ZNF385D: variants seen among roughly 807,000 people sequenced by gnomAD.
ZNF385D encodes the protein zinc finger protein 385D, also known as zinc finger protein 659.
A neutral mutation model predicts 35.8 loss-of-function variants in ZNF385D; 15 were observed. The ratio of observed to expected loss-of-function variants is 0.42; its 90% CI spans 0.28 to 0.64. The LOEUF (loss-of-function observed/expected upper bound fraction) is 0.64, where lower values mean the gene tolerates loss of function less well. ZNF385D is among the 30% of genes least tolerant of loss of function. ZNF385D has a pLI of 0.23. For synonymous variants in ZNF385D, 212 were observed against 186.8 expected, an observed-to-expected ratio of 1.13 and a Z score of -1.10; for missense variants, 474 against 494.6, an observed-to-expected ratio of 0.96 and a Z score of 0.39.
chr3:22,065,430 G>A (rs1161675660), intron 3 of ZNF385D, among the ~76,000 whole-genome samples: 3 of 152,164 alleles, frequency 2.0e-5, no homozygotes, highest in Non-Finnish European at 2.9e-5. Flanking sequence ...CAAGATGGAA[G>A]GCAGCTGGAA....
At chr3:22,036,710 T>G (rs902270841) in intron 3 of ZNF385D, among the ~76,000 whole-genome samples, 1 of 104,064 alleles carries the variant, frequency 9.6e-6, no homozygotes, top group Non-Finnish European at 2.0e-5. Flanking sequence ...CCCTACTAGG[T>G]TTTTTTTTTT....
rs536662281 is a variant in ZNF385D, at chr3:21,478,173, G to A, written c.439+32688C>T. Among the ~76,000 whole-genome samples, 25 of 152,196 alleles carry A rather than the reference G, an allele frequency of 1.6e-4. No homozygotes were observed. In the East Asian group the frequency reaches 3.5e-3, roughly 21 times the overall value. ...TCATAACTTCAGCCTAAATACCAAA[G>A]CAAAACCTAGCACATAATAGGCATG... is the stretch of plus-strand genomic sequence containing the variant. On this transcript the variant is annotated intron_variant, in intron 4 of 7. Transcript: ENST00000281523.
intron 4 of ZNF385D, among the ~76,000 whole-genome samples, chr3:21,494,701 C>G (rs233145): frequency 0.18 from 27,058 of 152,088 alleles, 2,465 homozygotes; most frequent in Admixed American, 0.26. Context: ...TTACAAGCCT[C>G]TAGCACAAAA....
At chr3:21,682,217 G>GACCATCTCAATAACGGAA (rs1575452547) in intron 1 of ZNF385D, among the ~76,000 whole-genome samples, 8 of 133,770 alleles carry the variant, frequency 6.0e-5, no homozygotes, top group African/African-American at 2.2e-4. Flanking sequence ...TTTTAGTTTA[G>GACCATCTCAATAACGGAA]CTTTGTCCTT....
intron 1 of ZNF385D, among the ~76,000 whole-genome samples, chr3:21,676,387 C>A (rs762495179): frequency 3.2e-4 from 48 of 152,042 alleles, no homozygotes; most frequent in African/African-American, 1.2e-3. Flanking sequence ...TTAAAACAAA[C>A]CTTACTTTAT....
chr3:21,830,677 C>T (rs1278890459), intron 3 of ZNF385D, among the ~76,000 whole-genome samples: 4 of 151,650 alleles, frequency 2.6e-5, no homozygotes, highest in Non-Finnish European at 5.9e-5. Context: ...AGTAGAGTTG[C>T]GGAATGTGCC....
chr3:21,839,545 T>G (rs1695533382), intron 3 of ZNF385D, among the ~76,000 whole-genome samples: 1 of 152,098 alleles, frequency 6.6e-6, no homozygotes, highest in Non-Finnish European at 1.5e-5. Flanking sequence ...GAAACTCTAT[T>G]AGGCAAGAGA....
intron 2 of ZNF385D, among the ~76,000 whole-genome samples, chr3:22,246,955 A>G (rs924741621): frequency 6.7e-6 from 1 of 149,324 alleles, no homozygotes; most frequent in African/African-American, 2.6e-5. Context: ...ATACGTGCAC[A>G]CACACAATTT....
At chr3:21,612,993 CTT>C (rs11336822) in intron 2 of ZNF385D, among the ~76,000 whole-genome samples, 98 of 137,218 alleles carry the variant, frequency 7.1e-4, no homozygotes, top group Middle Eastern at 7.5e-3. Flanking sequence ...TTTCTTTTTT[CTT>C]TTTTTTTTTT....
At chr3:22,206,225 G>A (rs931533513) in intron 2 of ZNF385D, among the ~76,000 whole-genome samples, 1 of 151,862 alleles carries the variant, frequency 6.6e-6, no homozygotes, top group African/African-American at 2.4e-5. Flanking sequence ...TTATGAAGAG[G>A]ATACAACAAT....
chr3:21,996,772 A>C (rs1397185558), intron 3 of ZNF385D, among the ~76,000 whole-genome samples: 1 of 152,180 alleles, frequency 6.6e-6, no homozygotes, highest in African/African-American at 2.4e-5. Context: ...ATACTATCTT[A>C]ACCTTAGTTA....
intron 3 of ZNF385D, among the ~76,000 whole-genome samples, chr3:21,817,759 A>G (rs1559653296): frequency 6.6e-6 from 1 of 152,232 alleles, no homozygotes; most frequent in Admixed American, 6.5e-5. Context: ...TGTGGAAGGC[A>G]GTGTGGTGAT....
rs1030979845 is a variant in ZNF385D, at chr3:22,143,639, A to G, written c.325+25178T>C. ...AATATTCCTATATTGATGGCCTTTT[A>G]GATTTATTAAACTTTCACACTGTTA... is the stretch of plus-strand genomic sequence containing the variant. On this transcript the variant is annotated intron_variant, in intron 3 of 5. Transcript: ENST00000494108. Among the ~76,000 whole-genome samples, 3 of 152,156 alleles carry G rather than the reference A, an allele frequency of 2.0e-5. No individual in the cohort carries two copies. In the East Asian group the frequency reaches 5.8e-4, roughly 29 times the overall value.
intron 3 of ZNF385D, among the ~76,000 whole-genome samples, chr3:21,880,036 T>C (rs564519338): frequency 6.6e-6 from 1 of 152,028 alleles, no homozygotes; most frequent in South Asian, 2.1e-4. Flanking sequence ...TTTAAATATG[T>C]AAAAATACTA....
At chr3:21,844,295 G>A (rs1049597275) in intron 3 of ZNF385D, among the ~76,000 whole-genome samples, 1 of 151,930 alleles carries the variant, frequency 6.6e-6, no homozygotes, top group African/African-American at 2.4e-5. Flanking sequence ...TATCATAAGA[G>A]TGTTTTTATT....
At chr3:21,673,139 T>A (rs1021793493) in intron 1 of ZNF385D, among the ~76,000 whole-genome samples, 1 of 152,078 alleles carries the variant, frequency 6.6e-6, no homozygotes, top group African/African-American at 2.4e-5. Flanking sequence ...AAAATTAAAT[T>A]TCACACCATG....
At position 21,631,497 on chromosome 3, in the gene ZNF385D, C is replaced by G. The variant is rs115089966; in HGVS notation, c.165+33389G>C. ...AAAAATCCCTCTTTGGAGAAAATAC[C>G]ATCTTCAATATCAAGAAGATCACCA... On this transcript the variant is annotated intron_variant, in intron 2 of 7. Coordinates refer to ENST00000281523, the MANE Select transcript of ZNF385D (RefSeq NM_024697.3). Among the ~76,000 whole-genome samples, 1,338 of 152,154 alleles carry G rather than the reference C, an allele frequency of 8.8e-3. 26 individuals carry two copies. Among genetic ancestry groups the G allele is most frequent in the African/African-American group, 0.031 (1,304 of 41,550 alleles).
At chr3:22,336,095 T>G (rs28627292) in intron 2 of ZNF385D, among the ~76,000 whole-genome samples, 1 of 151,928 alleles carries the variant, frequency 6.6e-6, no homozygotes, top group Non-Finnish European at 1.5e-5. Flanking sequence ...ATCTGAAAGA[T>G]TGGGACTAAT....
At chr3:21,643,757 G>A (rs986741930) in intron 2 of ZNF385D, among the ~76,000 whole-genome samples, 1 of 152,048 alleles carries the variant, frequency 6.6e-6, no homozygotes, top group Non-Finnish European at 1.5e-5. Context: ...GAGGTGATCC[G>A]CCGAGACCCT....
Sources: allele counts gnomAD v4.1 joint callset (sites outside exome capture counted in the v4.1 genomes callset), GRCh38; gene constraint gnomAD v4.1.1; transcripts MANE v1.5; gene names NCBI Gene and HGNC (gene_info 2026-07-23, HGNC 2026-07-21).